SLA: variants seen among roughly 807,000 people sequenced by gnomAD.
SLA encodes src-like-adapter.
In SLA, 16 loss-of-function variants were observed where a neutral mutation model predicts 30.3. That is an observed-to-expected ratio of 0.53 (90% confidence interval 0.36 to 0.80). SLA has a LOEUF of 0.80. Ranked by LOEUF, SLA falls within the 30% of genes least tolerant of loss-of-function variation. The pLI, the probability that SLA is intolerant of heterozygous loss-of-function variation, is 0.01. For synonymous variants in SLA, 143 were observed against 137.8 expected (o/e 1.04, Z -0.26); for missense variants, 310 against 345.2 (o/e 0.90, Z 0.81).
intron 8 of SLA, 142 bp downstream of exon 8, chr8:133,039,856 C>G: frequency 1.4e-6 from 2 of 1,412,282 alleles, no homozygotes; most frequent in South Asian, 1.4e-5. Context: ...GGGTGCTCAC[C>G]CCCCAGTTTC....
chr8:133,059,160 G>A (rs745854995), intron 3 of SLA: 1 of 456,218 alleles, frequency 2.2e-6, no homozygotes, highest in South Asian at 1.5e-5. Context: ...GGGCGGTGCT[G>A]CAGGGGCTGC....
At chr8:133,047,509 C>T (rs1839651259) in intron 6 of SLA, 1 of 352,618 alleles carries the variant, frequency 2.8e-6, no homozygotes, top group Non-Finnish European at 5.4e-6. Flanking sequence ...CCAAAGGCCA[C>T]ATTCTATCTG....
chr8:133,073,086 A>C (rs1844317714), intron 2 of SLA: 3 of 152,252 alleles, frequency 2.0e-5, no homozygotes, highest in Non-Finnish European at 2.9e-5. Flanking sequence ...TCAAACATAC[A>C]GAGAAACTGG....
chr8:133,049,401 C>T (rs1328273461), intron 5 of SLA: 1 of 296,462 alleles, frequency 3.4e-6, no homozygotes, highest in East Asian at 8.0e-5. Flanking sequence ...ACACATGTAT[C>T]ATTACATCTT....
intron 1 of SLA, among the ~76,000 whole-genome samples, chr8:133,081,720 AT>A (rs1167532796): frequency 7.0e-6 from 1 of 143,526 alleles, no homozygotes; most frequent in Non-Finnish European, 1.6e-5. Flanking sequence ...ATCGGGGGAG[AT>A]CTTACTGTTC....
At chr8:133,055,768 C>A (rs1841325776) in intron 3 of SLA, among the ~76,000 whole-genome samples, 1 of 152,006 alleles carries the variant, frequency 6.6e-6, no homozygotes, top group Non-Finnish European at 1.5e-5. Flanking sequence ...GCACCCAGGG[C>A]TTCTCAGACT....
intron 5 of SLA, among the ~76,000 whole-genome samples, chr8:133,048,386 A>G (rs748814809): frequency 4.6e-5 from 7 of 152,042 alleles, no homozygotes; most frequent in Non-Finnish European, 1.0e-4. Context: ...ACGTCTGGCA[A>G]CTTTTTGTGT....
At chr8:133,099,749 C>T (rs1848967134) in intron 1 of SLA, among the ~76,000 whole-genome samples, 1 of 152,202 alleles carries the variant, frequency 6.6e-6, no homozygotes, top group Non-Finnish European at 1.5e-5. Context: ...ACACTGCTCT[C>T]TCATACCCTA....
At chr8:133,057,774 C>CAAAAAAAAAA (rs5895173) in intron 3 of SLA, among the ~76,000 whole-genome samples, 12 of 142,024 alleles carry the variant, frequency 8.4e-5, no homozygotes, top group Middle Eastern at 3.8e-3. Flanking sequence ...AAACAAAAAA[C>CAAAAAAAAAA]AAAAAAAAAA....
intron 3 of SLA, among the ~76,000 whole-genome samples, chr8:133,057,174 CTGTTGGT>C (rs1473198231): frequency 0.018 from 2,781 of 151,954 alleles, 97 homozygotes; most frequent in African/African-American, 0.063. Context: ...GCTGCTGCCT[CTGTTGGT>C]GCCTCTTCAG....
At chr8:133,082,738 A>C (rs921848102) in intron 1 of SLA, among the ~76,000 whole-genome samples, 1 of 152,242 alleles carries the variant, frequency 6.6e-6, no homozygotes, top group Admixed American at 6.5e-5. Context: ...TGACGGTAGG[A>C]TCTGTAACAG....
chr8:133,055,363 G>A (rs2739110), intron 3 of SLA, among the ~76,000 whole-genome samples: 6,386 of 31,932 alleles, frequency 0.2, 181 homozygotes, highest in African/African-American at 0.3. Context: ...ACACGCACGC[G>A]CGCACACACA....
intron 2 of SLA, among the ~76,000 whole-genome samples, chr8:133,062,127 G>T (rs1318404048): frequency 6.6e-6 from 1 of 152,182 alleles, no homozygotes; most frequent in African/African-American, 2.4e-5. Context: ...ATCCTTTTTG[G>T]ATCCTGTTGA....
chr8:133,059,440 T>A (rs949589744), intron 3 of SLA, among the ~76,000 whole-genome samples: 4 of 152,228 alleles, frequency 2.6e-5, no homozygotes, highest in African/African-American at 9.6e-5. Context: ...CTCCCAGGCC[T>A]CTGACCAGTT....
chr8:133,073,607 C>G (rs1346683235), intron 2 of SLA, among the ~76,000 whole-genome samples: 2 of 152,140 alleles, frequency 1.3e-5, no homozygotes, highest in African/African-American at 4.8e-5. Context: ...CTGGGCTTAC[C>G]TCTCCACTTT....
chr8:133,041,703 T>A (rs1026611159), intron 7 of SLA, among the ~76,000 whole-genome samples: 1 of 150,910 alleles, frequency 6.6e-6, no homozygotes, highest in Non-Finnish European at 1.5e-5. Flanking sequence ...GAACCACCAC[T>A]CATAAGCACA....
intron 2 of SLA, among the ~76,000 whole-genome samples, chr8:133,062,901 C>T (rs2248574): frequency 0.25 from 37,745 of 151,856 alleles, 5,600 homozygotes; most frequent in East Asian, 0.56. Flanking sequence ...TGCTCTGCTA[C>T]GCACAGGCCT....
In SLA at chr8:133,075,004, CAGA is replaced by C. The variant is rs573103750; in HGVS notation, c.-195_-193del. On this transcript the variant is annotated 5_prime_UTR_variant, in exon 2 of 9. Coordinates refer to ENST00000338087, the MANE Select transcript of SLA (RefSeq NM_001045556.3). ...TTGTGGAGAAGCAGCCCATGCTACACAGAAGAACTGCAGTTGCTAAACTGGCCG... is the reference window on the plus strand; with the variant it reads ...TTGTGGAGAAGCAGCCCATGCTACACAGAACTGCAGTTGCTAAACTGGCCG... 2.9e-5 allele frequency: 29 copies of C among 985,466 alleles called. No individual in the cohort carries two copies. In the South Asian group the frequency reaches 1.2e-3, roughly 40 times the overall value. The allele number at this position is 985,466 out of a possible 1,614,324, so 61.0% of individuals were successfully genotyped here.
chr8:133,061,235 C>G (rs932936812), intron 2 of SLA, among the ~76,000 whole-genome samples: 5 of 152,208 alleles, frequency 3.3e-5, no homozygotes, highest in African/African-American at 9.7e-5. Context: ...TCTTGGACTC[C>G]TGATCTCAGG....
Sources: allele counts gnomAD v4.1 joint callset (sites outside exome capture counted in the v4.1 genomes callset), GRCh38; gene constraint gnomAD v4.1.1; transcripts MANE v1.5; gene names NCBI Gene and HGNC (gene_info 2026-07-23, HGNC 2026-07-21).